Variants in CDH11 observed in about 807,000 individuals in gnomAD.
CDH11 encodes cadherin 11.
A neutral mutation model predicts 67.8 loss-of-function variants in CDH11; 11 were observed. The observed-to-expected ratio is 0.16, with a 90% confidence interval of 0.10 to 0.27. The LOEUF is 0.27. Ranked by LOEUF, CDH11 falls within the 10% of genes least tolerant of loss-of-function variation. The pLI is 1.00. For synonymous variants in CDH11, 419 were observed against 400.0 expected (o/e 1.05, Z -0.57); for missense variants, 847 against 1,031.2 (o/e 0.82, Z 2.45).
chr16:65,032,949 T>A (rs2073673901), intron 2 of CDH11, among the ~76,000 whole-genome samples: 1 of 152,208 alleles, frequency 6.6e-6, no homozygotes, highest in Admixed American at 6.5e-5. Flanking sequence ...CAATTAGGCA[T>A]CTTCTAGACA....
intron 1 of CDH11, among the ~76,000 whole-genome samples, chr16:65,077,884 A>T (rs1597165917): frequency 6.6e-6 from 1 of 152,294 alleles, no homozygotes; most frequent in African/African-American, 2.4e-5. Flanking sequence ...TTTTCCCTTC[A>T]ATTAATGTTA....
chr16:65,123,465 GA>G (rs2075369538), upstream of CDH11, among the ~76,000 whole-genome samples: 1 of 152,038 alleles, frequency 6.6e-6, no homozygotes, highest in Non-Finnish European at 1.5e-5. Context: ...AACGGAAAAA[GA>G]GGCCGAAAAC....
intron 11 of CDH11, among the ~76,000 whole-genome samples, chr16:64,961,877 A>G (rs1030563923): frequency 5.9e-5 from 9 of 152,164 alleles, no homozygotes; most frequent in African/African-American, 2.2e-4. Flanking sequence ...CAACAATGTA[A>G]AGGAAGTTCT....
intron 1 of CDH11, among the ~76,000 whole-genome samples, chr16:65,112,516 T>C (rs564531931): frequency 1.3e-5 from 2 of 152,356 alleles, no homozygotes; most frequent in South Asian, 4.1e-4. Context: ...GTATTCTCTG[T>C]GCTGTTAATA....
intron 1 of CDH11, among the ~76,000 whole-genome samples, chr16:65,073,665 C>G (rs1299928905): frequency 1.3e-5 from 2 of 152,148 alleles, no homozygotes; most frequent in Non-Finnish European, 2.9e-5. Context: ...CAGTGACTCA[C>G]TCATCCCAAA....
At chr16:65,060,799 TA>T (rs562675085) in intron 1 of CDH11, among the ~76,000 whole-genome samples, 22 of 149,308 alleles carry the variant, frequency 1.5e-4, no homozygotes, top group African/African-American at 2.7e-4. Flanking sequence ...ATTTTTACAT[TA>T]AAAAAAAAAC....
chr16:65,070,927 A>AC (rs1406765874), intron 1 of CDH11, among the ~76,000 whole-genome samples: 1 of 152,154 alleles, frequency 6.6e-6, no homozygotes, highest in Non-Finnish European at 1.5e-5. Flanking sequence ...AAAAAAACCA[A>AC]CCTCCCACAT....
rs2071204932 is a variant in CDH11, at chr16:64,946,742, C to T, written c.*861G>A. The T allele has an allele frequency of 1.1e-6, 1 of 909,390 alleles. No individual in the cohort carries two copies. Among genetic ancestry groups the T allele is most frequent in the African/African-American group, 1.8e-5 (1 of 56,290 alleles). The allele number at this position is 909,390 out of a possible 1,614,324, so 56.3% of individuals were successfully genotyped here. A position where few individuals can be genotyped will look rare whatever the true frequency, so the allele number is the denominator to read the frequency against. ...AAATATAAATGGATCATTAGAAATA[C>T]TTAACGTTTGTTTCAATGTTAAGAA... On this transcript the variant is annotated 3_prime_UTR_variant, in exon 13 of 13. Coordinates refer to ENST00000268603, the MANE Select transcript of CDH11 (RefSeq NM_001797.4).
At chr16:65,025,803 G>T (rs1430904091) in intron 2 of CDH11, among the ~76,000 whole-genome samples, 1 of 152,124 alleles carries the variant, frequency 6.6e-6, no homozygotes, top group African/African-American at 2.4e-5. Context: ...AGGTACATAG[G>T]CATCCTTGTT....
chr16:64,983,561 C>T (rs1418341080), intron 7 of CDH11, among the ~76,000 whole-genome samples: 1 of 152,158 alleles, frequency 6.6e-6, no homozygotes, highest in Non-Finnish European at 1.5e-5. Flanking sequence ...CAGTACTCTA[C>T]ACTAAAGCTG....
At chr16:64,952,800 G>T (rs1424365951) in intron 11 of CDH11, among the ~76,000 whole-genome samples, 1 of 151,972 alleles carries the variant, frequency 6.6e-6, no homozygotes, top group African/African-American at 2.4e-5. Flanking sequence ...GCTTTAAATA[G>T]GTTGACAGGA....
At chr16:65,039,466 T>G (rs147720247) in intron 2 of CDH11, among the ~76,000 whole-genome samples, 4,310 of 152,240 alleles carry the variant, frequency 0.028, 79 homozygotes, top group Middle Eastern at 0.061. Flanking sequence ...GGGGGAAGGA[T>G]TCCCTATTTA....
intron 11 of CDH11, among the ~76,000 whole-genome samples, chr16:64,951,423 A>G (rs1482283471): frequency 6.6e-6 from 1 of 151,906 alleles, no homozygotes; most frequent in African/African-American, 2.4e-5. Flanking sequence ...TTCTGCCTGC[A>G]TAGTGGACGA....
chr16:65,064,588 A>G (rs2074284204), intron 1 of CDH11, among the ~76,000 whole-genome samples: 1 of 152,198 alleles, frequency 6.6e-6, no homozygotes, highest in Non-Finnish European at 1.5e-5. Context: ...TCCTGATGTC[A>G]GCAAAGAGAA....
intron 2 of CDH11, among the ~76,000 whole-genome samples, chr16:65,011,148 T>G (rs1377974714): frequency 4.0e-5 from 6 of 150,436 alleles, no homozygotes; most frequent in African/African-American, 7.3e-5. Context: ...TCACTCAGAC[T>G]TTATCTAGGA....
intron 11 of CDH11, among the ~76,000 whole-genome samples, chr16:64,964,731 G>T (rs2071764064): frequency 6.6e-6 from 1 of 151,754 alleles, no homozygotes. Context: ...TGTATTTTTA[G>T]TAGAGACGGG....
intron 2 of CDH11, among the ~76,000 whole-genome samples, chr16:65,007,887 T>C (rs1192671053): frequency 6.6e-6 from 1 of 152,198 alleles, no homozygotes; most frequent in Non-Finnish European, 1.5e-5. Context: ...TTTTAATATA[T>C]GATTTGAATC....
chr16:65,010,698 G>A (rs1037166903), intron 2 of CDH11, among the ~76,000 whole-genome samples: 1 of 152,114 alleles, frequency 6.6e-6, no homozygotes, highest in Non-Finnish European at 1.5e-5. Flanking sequence ...AACTGCTTCA[G>A]TGGAGATCTG....
At chr16:65,069,081 A>T (rs1184300287) in intron 1 of CDH11, among the ~76,000 whole-genome samples, 1 of 152,192 alleles carries the variant, frequency 6.6e-6, no homozygotes, top group Non-Finnish European at 1.5e-5. Flanking sequence ...AGTTTCACCC[A>T]TATTGCCAAC....
Sources: gnomAD v4.1 joint callset for allele counts (sites outside exome capture counted in the v4.1 genomes callset) on GRCh38, gnomAD v4.1.1 for gene constraint, MANE v1.5 for transcripts, NCBI Gene and HGNC (gene_info 2026-07-23, HGNC 2026-07-21) for gene names.